Variants in METTL24 observed in about 807,000 individuals in gnomAD.
The protein encoded by METTL24 is probable methyltransferase-like protein 24.
METTL24 carries 29 observed loss-of-function variants against 32.7 expected under a neutral mutation model. The observed-to-expected ratio is 0.89, with a 90% confidence interval of 0.66 to 1.21. The LOEUF (loss-of-function observed/expected upper bound fraction) is 1.21, where lower values mean the gene tolerates loss of function less well. METTL24 is among the 50% of genes most tolerant of loss of function. The pLI, the probability that METTL24 is intolerant of heterozygous loss-of-function variation, is 0.00. For missense variants in METTL24, 439 were observed against 468.1 expected (o/e 0.94, Z 0.57); for synonymous variants, 163 against 179.5 (o/e 0.91, Z 0.73).
At chr6:110,279,333 A>G (rs1011238864) in intron 4 of METTL24, among the ~76,000 whole-genome samples, 2 of 152,220 alleles carry the variant, frequency 1.3e-5, no homozygotes, top group Non-Finnish European at 1.5e-5. Context: ...CCAGGTAATT[A>G]TGATGCAAGG....
At chr6:110,325,315 C>T (rs1362406542) in intron 1 of METTL24, among the ~76,000 whole-genome samples, 1 of 152,226 alleles carries the variant, frequency 6.6e-6, no homozygotes, top group Non-Finnish European at 1.5e-5. Flanking sequence ...TTAGACTTTG[C>T]AGGCCACACA....
intron 1 of METTL24, among the ~76,000 whole-genome samples, chr6:110,338,863 T>C (rs1772292083): frequency 6.6e-6 from 1 of 152,208 alleles, no homozygotes; most frequent in African/African-American, 2.4e-5. Context: ...TATGTAACCT[T>C]GCAACTATCG....
chr6:110,257,779 G>C (rs1778411920), intron 4 of METTL24, among the ~76,000 whole-genome samples: 1 of 152,224 alleles, frequency 6.6e-6, no homozygotes, highest in Admixed American at 6.5e-5. Flanking sequence ...ATCAGATGCA[G>C]AAAATATCCA....
chr6:110,281,054 T>C (rs1235078237), intron 4 of METTL24, among the ~76,000 whole-genome samples: 4 of 152,206 alleles, frequency 2.6e-5, no homozygotes, highest in East Asian at 1.9e-4. Context: ...ATAAATTTTC[T>C]ACAGTGAACA....
chr6:110,253,745 TA>T, intron 4 of METTL24: 1 of 600,416 alleles, frequency 1.7e-6, no homozygotes, highest in Non-Finnish European at 2.5e-6. Flanking sequence ...AGACAAATTC[TA>T]ACACACGAGC....
At chr6:110,287,871 G>A (rs1771251810) in intron 4 of METTL24, among the ~76,000 whole-genome samples, 1 of 152,130 alleles carries the variant, frequency 6.6e-6, no homozygotes, top group Admixed American at 6.5e-5. Flanking sequence ...CAGAAGCAAG[G>A]CTCCAGCTTG....
chr6:110,258,070 G>A (rs1164246593), intron 4 of METTL24, among the ~76,000 whole-genome samples: 14 of 152,192 alleles, frequency 9.2e-5, no homozygotes, highest in Admixed American at 9.2e-4. Flanking sequence ...ATTGGGCTGT[G>A]TTGAGGCTAA....
intron 1 of METTL24, among the ~76,000 whole-genome samples, chr6:110,341,459 A>T (rs1466586780): frequency 1.3e-5 from 2 of 152,216 alleles, no homozygotes; most frequent in African/African-American, 2.4e-5. Flanking sequence ...TCTGAGCAAA[A>T]TGAATATTCA....
chr6:110,348,311 A>G (rs17071490), intron 1 of METTL24, among the ~76,000 whole-genome samples: 6,588 of 152,340 alleles, frequency 0.043, 483 homozygotes, highest in African/African-American at 0.15. Flanking sequence ...TAAACTGCTG[A>G]CTGCAAGTAT....
At chr6:110,330,637 G>C (rs1454740288) in intron 1 of METTL24, among the ~76,000 whole-genome samples, 1 of 152,120 alleles carries the variant, frequency 6.6e-6, no homozygotes, top group Admixed American at 6.5e-5. Flanking sequence ...ACAGACCTCT[G>C]CCCAAGCCCC....
intron 4 of METTL24, among the ~76,000 whole-genome samples, chr6:110,284,213 G>A (rs1771182795): frequency 6.6e-6 from 1 of 152,248 alleles, no homozygotes; most frequent in Middle Eastern, 3.4e-3. Flanking sequence ...AAGGAGTGGG[G>A]CAAGGGGAGT....
At chr6:110,318,020 T>C (rs947413930) in intron 2 of METTL24, among the ~76,000 whole-genome samples, 1 of 152,174 alleles carries the variant, frequency 6.6e-6, no homozygotes, top group Non-Finnish European at 1.5e-5. Context: ...AAAGAGGCTA[T>C]ACTTGGGCCA....
chr6:110,352,153 C>T (rs372963664), intron 1 of METTL24, among the ~76,000 whole-genome samples: 1 of 152,184 alleles, frequency 6.6e-6, no homozygotes, highest in African/African-American at 2.4e-5. Context: ...TCTTCCTTAA[C>T]GGGAGCAATT....
intron 1 of METTL24, among the ~76,000 whole-genome samples, chr6:110,338,911 A>G (rs547772404): frequency 1.3e-5 from 2 of 152,224 alleles, no homozygotes; most frequent in Non-Finnish European, 2.9e-5. Context: ...TAAATGCAGA[A>G]AAAGTAGTTG....
chr6:110,347,081 C>T (rs1772491566), intron 1 of METTL24, among the ~76,000 whole-genome samples: 1 of 152,198 alleles, frequency 6.6e-6, no homozygotes, highest in Non-Finnish European at 1.5e-5. Flanking sequence ...CTTGCCCAGA[C>T]TATGACTTGT....
chr6:110,272,286 G>A (rs1554212017), intron 4 of METTL24, among the ~76,000 whole-genome samples: 1 of 152,172 alleles, frequency 6.6e-6, no homozygotes, highest in Non-Finnish European at 1.5e-5. Flanking sequence ...CCAAGTTGTT[G>A]CAAAGGCTAT....
intron 4 of METTL24, among the ~76,000 whole-genome samples, chr6:110,290,636 G>A (rs1771301730): frequency 6.6e-6 from 1 of 152,174 alleles, no homozygotes; most frequent in Admixed American, 6.5e-5. Context: ...AGACATTTGA[G>A]TTGTTTCCAG....
chr6:110,311,774 T>C (rs1217235708), intron 3 of METTL24, among the ~76,000 whole-genome samples: 1 of 152,220 alleles, frequency 6.6e-6, no homozygotes, highest in East Asian at 1.9e-4. Context: ...GCAGTGGGCA[T>C]GAGCCACTGC....
chr6:110,336,763 G>GA (rs1772243923), intron 1 of METTL24, among the ~76,000 whole-genome samples: 1 of 150,148 alleles, frequency 6.7e-6, no homozygotes, highest in African/African-American at 2.5e-5. Flanking sequence ...AAAACAAAAA[G>GA]ATGGTTATCA....
Sources: gnomAD v4.1 joint callset for allele counts (sites outside exome capture counted in the v4.1 genomes callset) on GRCh38, gnomAD v4.1.1 for gene constraint, MANE v1.5 for transcripts, NCBI Gene and HGNC (gene_info 2026-07-23, HGNC 2026-07-21) for gene names.